XPO1: variants seen among roughly 807,000 people sequenced by gnomAD.
XPO1 encodes exportin-1.
In XPO1, 5 loss-of-function variants were observed where a neutral mutation model predicts 133.3. The ratio of observed to expected loss-of-function variants is 0.04; its 90% CI spans 0.02 to 0.08. The LOEUF is 0.08. XPO1 is among the 10% of genes least tolerant of loss of function. The pLI is 1.00. For synonymous variants in XPO1, 419 were observed against 408.2 expected, an observed-to-expected ratio of 1.03 and a Z score of -0.32; for missense variants, 506 against 1,267.5, an observed-to-expected ratio of 0.40 and a Z score of 9.12.
At position 61,485,899 on chromosome 2, in the gene XPO1, G is replaced by T; in HGVS notation, c.2377C>A (p.Pro793Thr). ...AGCACTTCTGGTTCTCTAGCAGCTG[G>T]GACATTTCTCTGATAATCAATGAGA... ...AVLIDYQRNV[P>T]AAREPEVLST... The change falls in exon 20 of 25, where the codon CCA becomes ACA. Residue 793 changes from proline (P) to threonine (T), a missense_variant. By Grantham distance (38) the Pro-to-Thr change is conservative (BLOSUM62 -1). This residue lies in a region of XPO1 where 203 missense variants were observed against 365.9 expected (regional missense o/e 0.55). Coordinates refer to ENST00000401558, the MANE Select transcript of XPO1 (RefSeq NM_003400.4). The T allele has an allele frequency of 6.2e-7, 1 of 1,614,008 alleles. No individual in the cohort carries two copies.
intron 24 of XPO1, 107 bp downstream of exon 24, chr2:61,481,078 A>G: frequency 1.5e-6 from 1 of 651,058 alleles, no homozygotes; most frequent in Non-Finnish European, 2.5e-6. Context: ...TTATCTTGAA[A>G]CCCCATTTAT....
intron 4 of XPO1, among the ~76,000 whole-genome samples, chr2:61,512,772 G>A (rs933657061): frequency 6.6e-6 from 1 of 152,188 alleles, no homozygotes; most frequent in Non-Finnish European, 1.5e-5. Flanking sequence ...GCTGGGTGCG[G>A]TAGCTCACAC....
At chr2:61,521,760 T>C (rs982546327) in intron 4 of XPO1, among the ~76,000 whole-genome samples, 2 of 152,014 alleles carry the variant, frequency 1.3e-5, no homozygotes, top group Non-Finnish European at 2.9e-5. Flanking sequence ...TTTGTTGTTG[T>C]TGTTCTTGTT....
At chr2:61,512,554 A>G (rs887504227) in intron 4 of XPO1, among the ~76,000 whole-genome samples, 10 of 152,226 alleles carry the variant, frequency 6.6e-5, no homozygotes, top group Admixed American at 6.5e-4. Flanking sequence ...AGATAAGTGA[A>G]CAATGGCAAT....
intron 9 of XPO1, among the ~76,000 whole-genome samples, chr2:61,498,238 G>A (rs1462199498): frequency 6.6e-6 from 1 of 152,158 alleles, no homozygotes; most frequent in Admixed American, 6.5e-5. Flanking sequence ...GGGACTACAG[G>A]CATACACCAC....
Position 61,478,881 on chromosome 2 carries a change from C to T in XPO1, c.3155G>A (p.Arg1052His), listed in dbSNP as rs2104193957. 2 of 1,614,096 alleles carry T rather than the reference C, an allele frequency of 1.2e-6. No homozygotes were observed. Among genetic ancestry groups the T allele is most frequent in the Non-Finnish European group, 1.7e-6 (2 of 1,180,016 alleles). Residue 1052 changes from arginine to histidine, a missense_variant, in exon 25 of 25, where the codon CGT (arginine) becomes CAT (histidine). Arg to His is a conservative substitution (Grantham distance 29). This residue lies in a region of XPO1 where 203 missense variants were observed against 365.9 expected (regional missense o/e 0.55). Coordinates refer to ENST00000401558, the MANE Select transcript of XPO1 (RefSeq NM_003400.4). ...LRQADEEKHK[R>H]QMSVPGIFNP... is the part of the protein sequence containing the mutation. ...AAAGATGCCAGGGACAGACATTTGACGTTTATGTTTCTCTTCATCAGCCTG... is the reference window on the plus strand; with the variant it reads ...AAAGATGCCAGGGACAGACATTTGATGTTTATGTTTCTCTTCATCAGCCTG...
intron 2 of XPO1, 114 bp from the exon 3 acceptor site, chr2:61,526,635 T>C (rs1698913987): frequency 4.1e-6 from 3 of 739,896 alleles, no homozygotes; most frequent in Non-Finnish European, 5.9e-6. Context: ...GATTCTATTA[T>C]TGATGTTCAG....
Position 61,481,166 on chromosome 2 carries a change from A to C in XPO1, c.3069+19T>G. On this transcript the variant is annotated intron_variant, in intron 24 of 24. Coordinates refer to ENST00000401558, the MANE Select transcript of XPO1 (RefSeq NM_003400.4). ...CACATCTACCCCTAATATTTCTGCA[A>C]GAGCAAATAAATACATACCTTTATT... 1.3e-6 allele frequency: 2 copies of C among 1,552,966 alleles called. No individual in the cohort carries two copies. The highest frequency in any genetic ancestry group is 1.8e-6 in the Non-Finnish European group (2 of 1,140,630).
intron 7 of XPO1, 66 bp downstream of exon 7, chr2:61,499,647 A>G: frequency 7.1e-7 from 1 of 1,406,988 alleles, no homozygotes; most frequent in East Asian, 2.4e-5. Context: ...TCTACAATTT[A>G]CATCCAAACT....
At chr2:61,513,650 A>G (rs1281557281) in intron 4 of XPO1, among the ~76,000 whole-genome samples, 4 of 152,250 alleles carry the variant, frequency 2.6e-5, no homozygotes, top group African/African-American at 9.6e-5. Context: ...ATCTTAAGTG[A>G]CCTTTGCATG....
At chr2:61,484,359 C>T (rs1696564569) in intron 20 of XPO1, 1 of 391,362 alleles carries the variant, frequency 2.6e-6, no homozygotes, top group East Asian at 4.8e-5. Flanking sequence ...CTCATCTAAA[C>T]CATTATTACC....
At chr2:61,523,309 C>T (rs1219367129) in intron 3 of XPO1, among the ~76,000 whole-genome samples, 8 of 152,172 alleles carry the variant, frequency 5.3e-5, no homozygotes, top group Admixed American at 2.6e-4. Flanking sequence ...TAATCACAAA[C>T]GCATGTTGCA....
intron 1 of XPO1, chr2:61,536,686 T>C (rs550126089): frequency 3.9e-5 from 6 of 152,232 alleles, no homozygotes; most frequent in East Asian, 1.9e-4. Context: ...CTTCTAACTA[T>C]AGCACACAGG....
intron 4 of XPO1, among the ~76,000 whole-genome samples, chr2:61,507,942 G>A (rs1404424945): frequency 6.6e-6 from 1 of 152,178 alleles, no homozygotes; most frequent in Non-Finnish European, 1.5e-5. Flanking sequence ...GAAGTTGTGT[G>A]TCTTTGATAA....
chr2:61,525,886 A>C, intron 3 of XPO1: 1 of 1,047,608 alleles, frequency 9.5e-7, no homozygotes, highest in Non-Finnish European at 1.2e-6. Context: ...AGAAGCGTGA[A>C]TCATCAAGCC....
At chr2:61,515,499 G>A (rs1698328761) in intron 4 of XPO1, among the ~76,000 whole-genome samples, 1 of 152,126 alleles carries the variant, frequency 6.6e-6, no homozygotes, top group Non-Finnish European at 1.5e-5. Flanking sequence ...TGGCAATTTG[G>A]TGAAATGCAG....
rs558324672 is a variant in XPO1 at position 61,529,894 on chromosome 2, T to C, written c.127-3373A>G. On this transcript the variant is annotated intron_variant, in intron 2 of 24. Coordinates refer to ENST00000401558, the MANE Select transcript of XPO1 (RefSeq NM_003400.4). The stretch of plus-strand genomic sequence containing the variant: ...TGAAAAGATCAGACGCCTGCTTCCA[T>C]TGTGAGTCTGTGGTTACAAGAGTTA... Among the ~76,000 whole-genome samples, 7 of 152,280 alleles carry C rather than the reference T, an allele frequency of 4.6e-5. No homozygotes were observed. In the South Asian group the frequency reaches 1.4e-3, roughly 32 times the overall value.
At chr2:61,520,602 G>A (rs374775968) in intron 4 of XPO1, among the ~76,000 whole-genome samples, 1 of 152,162 alleles carries the variant, frequency 6.6e-6, no homozygotes, top group Non-Finnish European at 1.5e-5. Context: ...CAGTGATGGT[G>A]CCAATGCACT....
chr2:61,483,811 CAG>C, intron 21 of XPO1, 124 bp downstream of exon 21: 2 of 1,085,878 alleles, frequency 1.8e-6, no homozygotes, highest in Non-Finnish European at 2.6e-6. Context: ...AGGATTTTCT[CAG>C]ATGTTCATAT....
Sources: allele counts gnomAD v4.1 joint callset (sites outside exome capture counted in the v4.1 genomes callset), GRCh38; gene constraint gnomAD v4.1.1; regional missense constraint gnomAD v4.1.1; transcripts MANE v1.5; gene names NCBI Gene and HGNC (gene_info 2026-07-23, HGNC 2026-07-21).